Variants in TIAM2 observed in about 807,000 individuals in gnomAD.
TIAM2 encodes the protein rho guanine nucleotide exchange factor TIAM2.
TIAM2 carries 80 observed loss-of-function variants against 152.9 expected under a neutral mutation model. That is an observed-to-expected ratio of 0.52 (90% confidence interval 0.44 to 0.63). The LOEUF is 0.63. Among genes scored for constraint, TIAM2 ranks in the 30% least tolerant of loss-of-function variants. TIAM2 has a pLI of 0.00. For missense variants in TIAM2, 1,965 were observed against 2,120.1 expected, an observed-to-expected ratio of 0.93 and a Z score of 1.44; for synonymous variants, 804 against 838.0, an observed-to-expected ratio of 0.96 and a Z score of 0.70.
chr6:155,240,340 G>A (rs886598691), intron 15 of TIAM2, among the ~76,000 whole-genome samples, 190 bp from the exon 16 acceptor site: 4 of 152,220 alleles, frequency 2.6e-5, no homozygotes, highest in African/African-American at 7.2e-5. Flanking sequence ...GAGTGTGGGC[G>A]CACATCTTCC....
chr6:155,039,796 G>T (rs990984247), intron 1 of TIAM2, among the ~76,000 whole-genome samples: 1 of 152,188 alleles, frequency 6.6e-6, no homozygotes, highest in Non-Finnish European at 1.5e-5. Flanking sequence ...GAATAAAGCA[G>T]GGTGTGCCTG....
At chr6:155,088,891 A>G (rs985840645) in intron 1 of TIAM2, among the ~76,000 whole-genome samples, 1 of 152,200 alleles carries the variant, frequency 6.6e-6, no homozygotes, top group African/African-American at 2.4e-5. Context: ...AGTGTGACTC[A>G]GGGAAGCCAA....
At chr6:155,044,481 T>A (rs1777117162) in intron 1 of TIAM2, among the ~76,000 whole-genome samples, 1 of 151,652 alleles carries the variant, frequency 6.6e-6, no homozygotes, top group Admixed American at 6.6e-5. Context: ...CATGTATAAT[T>A]TTTCTTCTCT....
intron 22 of TIAM2, among the ~76,000 whole-genome samples, chr6:155,251,741 A>G (rs190836493): frequency 1.3e-5 from 2 of 152,366 alleles, no homozygotes; most frequent in Non-Finnish European, 2.9e-5. Flanking sequence ...AACTTCTAAT[A>G]GTAGCTTTTA....
chr6:155,190,783 A>G (rs947128978), intron 14 of TIAM2, among the ~76,000 whole-genome samples: 5 of 152,094 alleles, frequency 3.3e-5, no homozygotes, highest in African/African-American at 7.2e-5. Flanking sequence ...CAGTAGTTCT[A>G]TGAAACTATT....
In TIAM2 at chr6:155,164,416, T is replaced by A; in HGVS notation, c.2030T>A (p.Ile677Asn). 1 of 1,573,124 alleles carries A rather than the reference T, an allele frequency of 6.4e-7. No homozygotes were observed. Residue 677 changes from isoleucine to asparagine, a missense_variant and splice_region_variant, in exon 8 of 27, where the codon ATC becomes AAC. By Grantham distance (149) the Ile-to-Asn change is moderately radical. Around this residue, in one of 3 missense-constraint regions of TIAM2, gnomAD observed 1,025 missense variants for 1,119.4 expected, o/e 0.92. Coordinates refer to ENST00000682666, the MANE Select transcript of TIAM2 (RefSeq NM_012454.4). The stretch of plus-strand genomic sequence containing the variant: ...AATCACCTCTGTTTTTGCTTTAAGA[T>A]CCAGCAATGGGAGCAGAATCTTGAG... ...PKNRKAIENQIQQWEQNLEKF... is the reference protein window; with the variant it reads ...PKNRKAIENQNQQWEQNLEKF...
intron 7 of TIAM2, among the ~76,000 whole-genome samples, chr6:155,154,452 T>C (rs1454413936): frequency 6.6e-6 from 1 of 152,180 alleles, no homozygotes; most frequent in Non-Finnish European, 1.5e-5. Flanking sequence ...TGGGTGTTTC[T>C]GGGGCAGGAT....
At chr6:155,046,841 A>G (rs973057025) in intron 1 of TIAM2, among the ~76,000 whole-genome samples, 3 of 152,072 alleles carry the variant, frequency 2.0e-5, no homozygotes, top group Admixed American at 1.3e-4. Context: ...CAGACTTGCC[A>G]CTGCCTCTTG....
At chr6:155,029,475 A>ATATAAT (rs1562295173) in intron 1 of TIAM2, among the ~76,000 whole-genome samples, 3 of 13,060 alleles carry the variant, frequency 2.3e-4, no homozygotes, top group African/African-American at 7.3e-4. Flanking sequence ...TATATACTAT[A>ATATAAT]GTATATATAC....
At chr6:155,030,910 T>TA (rs540569517) in intron 1 of TIAM2, among the ~76,000 whole-genome samples, 1 of 152,128 alleles carries the variant, frequency 6.6e-6, no homozygotes, top group African/African-American at 2.4e-5. Context: ...CTTGGGGAAA[T>TA]AAAAGGTAAG....
chr6:155,140,573 T>TGAGAGAGAGAGAGA lies in TIAM2; in HGVS notation c.1630+2992_1630+3005dup, dbSNP rs57939338. 1.2e-4 allele frequency among the ~76,000 whole-genome samples: 13 copies of TGAGAGAGAGAGAGA among 107,470 alleles called. 1 individual carries two copies. The highest frequency in any genetic ancestry group is 3.8e-4 in the African/African-American group (10 of 26,034). 70.5% of individuals were successfully genotyped at this position (107,470 alleles called of 152,430 possible). ...GTGTGTGTATGTGTGTGTGTGTGTG[T>TGAGAGAGAGAGAGA]GAGAGAGAGAGAGAGAGAGAGAGAG... On this transcript the variant is annotated intron_variant, in intron 5 of 26. Transcript: ENST00000682666.
chr6:155,122,982 G>T (rs1779207465), intron 2 of TIAM2, among the ~76,000 whole-genome samples: 1 of 151,790 alleles, frequency 6.6e-6, no homozygotes, highest in African/African-American at 2.4e-5. Context: ...GGAGTCAGGG[G>T]GCCAGAGGTT....
chr6:155,239,088 T>C (rs1782905966), intron 15 of TIAM2, among the ~76,000 whole-genome samples: 5 of 152,180 alleles, frequency 3.3e-5, no homozygotes, highest in Admixed American at 3.3e-4. Context: ...ACCAACATGC[T>C]TGTGTAAGCT....
intron 2 of TIAM2, among the ~76,000 whole-genome samples, chr6:155,102,766 A>ATT (rs1210235657): frequency 2.0e-5 from 2 of 102,034 alleles, no homozygotes; most frequent in African/African-American, 3.9e-5. Flanking sequence ...GGATTAATTT[A>ATT]TTGTGTGTGT....
chr6:155,118,698 G>A (rs1033685004), intron 2 of TIAM2, among the ~76,000 whole-genome samples: 1 of 151,938 alleles, frequency 6.6e-6, no homozygotes, highest in African/African-American at 2.4e-5. Flanking sequence ...GCCTCTCAGT[G>A]TGTTGCGATT....
chr6:155,183,421 G>A lies in TIAM2; in HGVS notation c.2985G>A (p.Gln995=). 1 of 1,614,170 alleles carries A rather than the reference G, an allele frequency of 6.2e-7. No homozygotes were observed. Residue 995 remains glutamine (Q), a synonymous_variant, in exon 14 of 27, where the codon CAG becomes CAA. Transcript: ENST00000682666. ...ACAGTGACCTGTTCTCCAGGGACCA[G>A]AAGAGTCTGCTGCCCCCTCCTAACC... ...WSDSDLFSRD[Q]KSLLPPPNQS...
intron 14 of TIAM2, among the ~76,000 whole-genome samples, chr6:155,185,072 G>T (rs572940360): frequency 6.7e-6 from 1 of 150,282 alleles, no homozygotes; most frequent in South Asian, 2.1e-4. Context: ...AATACTTTTG[G>T]TACTTGCGGG....
chr6:155,029,028 GTATATA>G (rs1776720349), intron 1 of TIAM2, among the ~76,000 whole-genome samples: 1 of 124,848 alleles, frequency 8.0e-6, no homozygotes, highest in Non-Finnish European at 1.6e-5. Context: ...TATATACACT[GTATATA>G]CTATATATAC....
Position 155,254,540 on chromosome 6 carries a change from C to T in TIAM2, c.4435C>T (p.Leu1479Phe). 1.2e-6 allele frequency: 2 copies of T among 1,613,638 alleles called. No homozygotes were observed. Among genetic ancestry groups the T allele is most frequent in the African/African-American group, 2.7e-5 (2 of 75,038 alleles). ...EKTCKDRLVP[L>F]KNRVPVSAKL... Reference sequence around the variant, plus strand: ...AACGTGTAAGGATCGCCTGGTACCTCTTAAGAACCGAGTTCCTGTTTCGGC... The same window carrying T: ...AACGTGTAAGGATCGCCTGGTACCTTTTAAGAACCGAGTTCCTGTTTCGGC... The change falls in exon 26 of 27, where the codon CTT (leucine) becomes TTT (phenylalanine). Residue 1479 changes from leucine to phenylalanine, a missense_variant. Physicochemically the swap from Leu to Phe is conservative, Grantham distance 22. Coordinates refer to ENST00000682666, the MANE Select transcript of TIAM2 (RefSeq NM_012454.4).
Sources: allele counts gnomAD v4.1 joint callset (sites outside exome capture counted in the v4.1 genomes callset), GRCh38; gene constraint gnomAD v4.1.1; regional missense constraint gnomAD v4.1.1; transcripts MANE v1.5; gene names NCBI Gene and HGNC (gene_info 2026-07-23, HGNC 2026-07-21).